PGCKA1: variants seen among roughly 807,000 people sequenced by gnomAD.
PGCKA1 encodes the protein PDCD10 and GCKIII kinases-associated protein 1.
chr4:37,526,643 A>C, the PGCKA1 span, among the ~76,000 whole-genome samples: 1 of 152,226 alleles, frequency 6.6e-6, no homozygotes, highest in African/African-American at 2.4e-5. Flanking sequence ...GAGCTGAGAA[A>C]TTACTACTGC....
At chr4:37,579,393 A>G in the PGCKA1 span, among the ~76,000 whole-genome samples, 1 of 152,204 alleles carries the variant, frequency 6.6e-6, no homozygotes, top group Non-Finnish European at 1.5e-5. Flanking sequence ...CTCATTGCTC[A>G]TTAACATCCC....
At chr4:37,547,864 T>C in the PGCKA1 span, among the ~76,000 whole-genome samples, 1 of 151,962 alleles carries the variant, frequency 6.6e-6, no homozygotes, top group Non-Finnish European at 1.5e-5. Context: ...ACTTACAAGG[T>C]TTTCAACAGA....
At chr4:37,488,434 G>A in the PGCKA1 span, among the ~76,000 whole-genome samples, 4 of 152,070 alleles carry the variant, frequency 2.6e-5, no homozygotes, top group South Asian at 2.1e-4. Context: ...AAACCCAAAC[G>A]GCCTGCATTC....
At chr4:37,521,454 CA>C in the PGCKA1 span, among the ~76,000 whole-genome samples, 5 of 152,322 alleles carry the variant, frequency 3.3e-5, no homozygotes, top group South Asian at 8.3e-4. Flanking sequence ...ACTAGTCATT[CA>C]GGAGCATATT....
chr4:37,586,332 C>T, the PGCKA1 span, among the ~76,000 whole-genome samples: 1 of 152,128 alleles, frequency 6.6e-6, no homozygotes, highest in African/African-American at 2.4e-5. Flanking sequence ...GTTTTTAATC[C>T]ATAGCCATTA....
chr4:37,532,967 C>T, the PGCKA1 span, among the ~76,000 whole-genome samples: 1 of 145,362 alleles, frequency 6.9e-6, no homozygotes, highest in African/African-American at 2.5e-5. Flanking sequence ...TTGGGGGGAA[C>T]AGTGGGAGGG....
At chr4:37,524,626 G>A in the PGCKA1 span, among the ~76,000 whole-genome samples, 5 of 152,218 alleles carry the variant, frequency 3.3e-5, no homozygotes, top group East Asian at 7.7e-4. Flanking sequence ...GGATTATACA[G>A]GGATCTGATA....
the PGCKA1 span, among the ~76,000 whole-genome samples, chr4:37,518,054 G>A: frequency 1.3e-5 from 2 of 152,106 alleles, no homozygotes; most frequent in African/African-American, 2.4e-5. Flanking sequence ...TTAACATAAC[G>A]ATCTCCAGTT....
the PGCKA1 span, among the ~76,000 whole-genome samples, chr4:37,548,676 G>A: frequency 6.6e-6 from 1 of 152,022 alleles, no homozygotes; most frequent in African/African-American, 2.4e-5. Context: ...TAGTTTATCT[G>A]GTATAAAAAT....
the PGCKA1 span, among the ~76,000 whole-genome samples, chr4:37,526,210 A>AT: frequency 6.6e-6 from 1 of 152,180 alleles, no homozygotes; most frequent in South Asian, 2.1e-4. Flanking sequence ...CGTGTGTTGG[A>AT]TTTGGCTTCT....
chr4:37,588,752 A>T, the PGCKA1 span: 1 of 874,182 alleles, frequency 1.1e-6, no homozygotes, highest in East Asian at 2.4e-5. Flanking sequence ...CTCTCTTAAT[A>T]CATTTTGAGT....
At chr4:37,504,441 T>A in the PGCKA1 span, among the ~76,000 whole-genome samples, 433 of 101,184 alleles carry the variant, frequency 4.3e-3, 1 homozygote, top group African/African-American at 7.2e-3. Flanking sequence ...AAATTAAAAT[T>A]TTTTTTTTTC....
At chr4:37,480,288 T>A in the PGCKA1 span, among the ~76,000 whole-genome samples, 2 of 152,004 alleles carry the variant, frequency 1.3e-5, no homozygotes, top group Non-Finnish European at 2.9e-5. Flanking sequence ...AGATCAGGAG[T>A]TCGAGACCAG....
the PGCKA1 span, among the ~76,000 whole-genome samples, chr4:37,487,423 A>C: frequency 6.6e-6 from 1 of 152,172 alleles, no homozygotes; most frequent in Non-Finnish European, 1.5e-5. Context: ...ACATCAGTTC[A>C]TTTCACCCCA....
chr4:37,506,047 T>G, the PGCKA1 span, among the ~76,000 whole-genome samples: 2 of 152,226 alleles, frequency 1.3e-5, no homozygotes, highest in African/African-American at 4.8e-5. Context: ...TATCCATATC[T>G]TCTAGATGTT....
At chr4:37,533,905 G>A in the PGCKA1 span, among the ~76,000 whole-genome samples, 8 of 152,164 alleles carry the variant, frequency 5.3e-5, no homozygotes, top group Non-Finnish European at 1.0e-4. Flanking sequence ...GCAGAATTTT[G>A]TTCTGGTTTT....
the PGCKA1 span, among the ~76,000 whole-genome samples, chr4:37,480,232 C>T: frequency 7.6e-3 from 1,155 of 152,372 alleles, 9 homozygotes; most frequent in Non-Finnish European, 0.011. Context: ...GTGGCTCACG[C>T]CTGTAATCCC....
chr4:37,533,058 C>CACTTTGGGGACT, the PGCKA1 span, among the ~76,000 whole-genome samples: 16 of 151,332 alleles, frequency 1.1e-4, no homozygotes, highest in South Asian at 2.1e-4. Context: ...CACAAATCAT[C>CACTTTGGGGACT]TGGTATGTAA....
chr4:37,515,425 A>AC, the PGCKA1 span, among the ~76,000 whole-genome samples: 3 of 151,996 alleles, frequency 2.0e-5, no homozygotes, highest in South Asian at 2.1e-4. Context: ...AGAGACAAAG[A>AC]CCCCCCACTC....
Sources: allele counts gnomAD v4.1 joint callset (sites outside exome capture counted in the v4.1 genomes callset), GRCh38; gene constraint gnomAD v4.1.1; transcripts MANE v1.5; gene names NCBI Gene and HGNC (gene_info 2026-07-23, HGNC 2026-07-21).